The following KHDRBS2 variants were observed in gnomAD, a reference collection of about 807,000 sequenced individuals.
The protein encoded by KHDRBS2 is KH RNA binding domain containing, signal transduction associated 2.
Under a neutral mutation model 44.3 loss-of-function variants are expected in KHDRBS2, and 26 were observed. That is an observed-to-expected ratio of 0.59 (90% CI 0.43 to 0.81). The LOEUF (loss-of-function observed/expected upper bound fraction) is 0.81, where lower values mean the gene tolerates loss of function less well. Among genes scored for constraint, KHDRBS2 ranks in the 40% least tolerant of loss-of-function variants. KHDRBS2 has a pLI of 0.00. For synonymous variants in KHDRBS2, 194 were observed against 151.1 expected, an observed-to-expected ratio of 1.28 and a Z score of -2.08; for missense variants, 476 against 433.1, an observed-to-expected ratio of 1.10 and a Z score of -0.88.
intron 2 of KHDRBS2, among the ~76,000 whole-genome samples, chr6:62,097,817 C>T (rs527728045): frequency 1.4e-4 from 21 of 151,992 alleles, no homozygotes; most frequent in Admixed American, 1.3e-3. Flanking sequence ...TTCTTTGTTC[C>T]TTTCTGTCCT....
intron 2 of KHDRBS2, among the ~76,000 whole-genome samples, chr6:62,054,312 C>T (rs188317219): frequency 1.3e-3 from 204 of 152,152 alleles, no homozygotes; most frequent in Non-Finnish European, 2.2e-3. Flanking sequence ...TATGAAGCAT[C>T]CAGTCCTGGG....
intron 6 of KHDRBS2, among the ~76,000 whole-genome samples, chr6:61,787,208 AT>A (rs1783954241): frequency 1.3e-5 from 2 of 151,660 alleles, no homozygotes; most frequent in African/African-American, 4.8e-5. Context: ...TTTGGCTATT[AT>A]AAAAAATGCT....
intron 4 of KHDRBS2, among the ~76,000 whole-genome samples, chr6:61,908,633 C>CA (rs11290284): frequency 0.076 from 8,395 of 110,540 alleles, 321 homozygotes; most frequent in Middle Eastern, 0.18. Flanking sequence ...GATTCCGTCT[C>CA]AAAAAAAAAA....
intron 1 of KHDRBS2, among the ~76,000 whole-genome samples, chr6:62,248,854 CGA>C (rs146585144): frequency 0.025 from 3,776 of 152,016 alleles, 116 homozygotes; most frequent in African/African-American, 0.081. Flanking sequence ...ACAGGGTAAG[CGA>C]AGTCAACAAA....
chr6:62,021,077 C>T (rs1182250402), intron 3 of KHDRBS2, among the ~76,000 whole-genome samples: 1 of 152,008 alleles, frequency 6.6e-6, no homozygotes, highest in Non-Finnish European at 1.5e-5. Flanking sequence ...GTGTCCTTTT[C>T]AGGAAAATGG....
intron 4 of KHDRBS2, among the ~76,000 whole-genome samples, chr6:61,946,335 C>T (rs1813372496): frequency 6.6e-6 from 1 of 152,190 alleles, no homozygotes; most frequent in African/African-American, 2.4e-5. Flanking sequence ...TTAAAAATTA[C>T]ATTTTGCCCT....
At chr6:61,884,937 T>C (rs1373743359) in intron 6 of KHDRBS2, among the ~76,000 whole-genome samples, 2 of 152,124 alleles carry the variant, frequency 1.3e-5, no homozygotes, top group African/African-American at 2.4e-5. Context: ...CTCAAAATTA[T>C]ATAATTTTGC....
intron 2 of KHDRBS2, among the ~76,000 whole-genome samples, chr6:62,104,064 A>C (rs1233993845): frequency 2.0e-5 from 3 of 152,182 alleles, no homozygotes; most frequent in Non-Finnish European, 2.9e-5. Context: ...TTATAGAAAA[A>C]TATATAGGAT....
chr6:62,091,860 A>G (rs1799553708), intron 2 of KHDRBS2, among the ~76,000 whole-genome samples: 1 of 152,122 alleles, frequency 6.6e-6, no homozygotes, highest in South Asian at 2.1e-4. Flanking sequence ...TTGTTATGTA[A>G]AGCATTCAGA....
the KHDRBS2 span, among the ~76,000 whole-genome samples, chr6:61,613,723 G>A: frequency 2.0e-5 from 3 of 152,106 alleles, no homozygotes; most frequent in Non-Finnish European, 2.9e-5. Flanking sequence ...ATGCAAATTT[G>A]TGTCTCAAAG....
At chr6:61,575,229 A>G in the KHDRBS2 span, among the ~76,000 whole-genome samples, 89,890 of 152,082 alleles carry the variant, frequency 0.59, 26,777 homozygotes, top group Non-Finnish European at 0.61. Context: ...TAAAAGACTA[A>G]TGTCCAGACT....
intron 2 of KHDRBS2, among the ~76,000 whole-genome samples, chr6:62,066,950 G>A (rs1793873095): frequency 6.6e-6 from 1 of 151,538 alleles, no homozygotes; most frequent in Admixed American, 6.6e-5. Context: ...AAAAAGATAT[G>A]CCTTTAGTTT....
the KHDRBS2 span, among the ~76,000 whole-genome samples, chr6:61,672,818 T>C: frequency 5.3e-4 from 79 of 149,826 alleles, no homozygotes; most frequent in East Asian, 7.0e-3. Flanking sequence ...CTGATGGTAG[T>C]TTCTTTTGCT....
chr6:62,106,098 T>C (rs1309370745), intron 2 of KHDRBS2, among the ~76,000 whole-genome samples: 1 of 152,190 alleles, frequency 6.6e-6, no homozygotes, highest in Non-Finnish European at 1.5e-5. Context: ...TTGAGTGAGT[T>C]TCTTAATCCT....
the KHDRBS2 span, among the ~76,000 whole-genome samples, chr6:61,584,354 A>G: frequency 6.6e-6 from 1 of 151,800 alleles, no homozygotes; most frequent in Non-Finnish European, 1.5e-5. Flanking sequence ...TAAGTTTTTC[A>G]TGGATGCTCA....
chr6:62,240,734 T>C (rs1834531530), intron 1 of KHDRBS2, among the ~76,000 whole-genome samples: 1 of 129,916 alleles, frequency 7.7e-6, no homozygotes, highest in South Asian at 2.5e-4. Flanking sequence ...GAGTTCATAC[T>C]AATGTCTTTA....
chr6:62,065,263 C>A (rs531553310), intron 2 of KHDRBS2, among the ~76,000 whole-genome samples: 2 of 152,208 alleles, frequency 1.3e-5, no homozygotes, highest in South Asian at 2.1e-4. Flanking sequence ...TACCATTTGA[C>A]CCAGCCATTC....
At chr6:61,837,942 A>G (rs1583089811) in intron 6 of KHDRBS2, among the ~76,000 whole-genome samples, 1 of 152,028 alleles carries the variant, frequency 6.6e-6, no homozygotes, top group South Asian at 2.1e-4. Flanking sequence ...ACTGAGAATT[A>G]TCTTGAATCT....
chr6:62,221,434 A>G (rs997556736), intron 1 of KHDRBS2, among the ~76,000 whole-genome samples: 1 of 152,196 alleles, frequency 6.6e-6, no homozygotes, highest in African/African-American at 2.4e-5. Flanking sequence ...GATTTTTGCT[A>G]ATTGAGTAGA....
Sources: gnomAD v4.1 joint callset for allele counts (sites outside exome capture counted in the v4.1 genomes callset) on GRCh38, gnomAD v4.1.1 for gene constraint, MANE v1.5 for transcripts, NCBI Gene and HGNC (gene_info 2026-07-23, HGNC 2026-07-21) for gene names.